The following NEGR1 variants were observed in gnomAD, a reference collection of about 807,000 sequenced individuals.
The protein encoded by NEGR1 is neuronal growth regulator 1.
A neutral mutation model predicts 40.9 loss-of-function variants in NEGR1; 10 were observed. The ratio of observed to expected loss-of-function variants is 0.24; its 90% CI spans 0.15 to 0.42. The LOEUF (loss-of-function observed/expected upper bound fraction) is 0.42. Among genes scored for constraint, NEGR1 ranks in the 10% least tolerant of loss-of-function variants. The pLI is 1.00. For synonymous variants in NEGR1, 185 were observed against 166.8 expected, an observed-to-expected ratio of 1.11 and a Z score of -0.84; for missense variants, 352 against 438.9, an observed-to-expected ratio of 0.80 and a Z score of 1.77.
chr1:72,235,223 G>A (rs543128870), intron 1 of NEGR1, among the ~76,000 whole-genome samples: 5 of 152,214 alleles, frequency 3.3e-5, no homozygotes, highest in South Asian at 2.1e-4. Context: ...ACGTGCAAGC[G>A]TCAGGAAAGC....
intron 1 of NEGR1, among the ~76,000 whole-genome samples, chr1:72,260,394 A>G (rs1655417258): frequency 6.6e-6 from 1 of 152,114 alleles, no homozygotes; most frequent in Non-Finnish European, 1.5e-5. Flanking sequence ...ATATTTGTAA[A>G]CAACATAAAA....
At chr1:72,202,651 T>G (rs1466769207) in intron 1 of NEGR1, among the ~76,000 whole-genome samples, 1 of 152,008 alleles carries the variant, frequency 6.6e-6, no homozygotes, top group Non-Finnish European at 1.5e-5. Flanking sequence ...GAGCAAGGGC[T>G]TATCTCTTCA....
At chr1:71,451,116 G>C (rs1312572251) in intron 6 of NEGR1, among the ~76,000 whole-genome samples, 1 of 152,172 alleles carries the variant, frequency 6.6e-6, no homozygotes, top group Non-Finnish European at 1.5e-5. Context: ...TTTGGAAGAT[G>C]CCCCTCCCCG....
intron 4 of NEGR1, among the ~76,000 whole-genome samples, chr1:71,625,994 A>G (rs971667126): frequency 6.6e-6 from 1 of 151,880 alleles, no homozygotes; most frequent in Non-Finnish European, 1.5e-5. Context: ...TGTGAACCCT[A>G]TTGTGAACTG....
intron 3 of NEGR1, among the ~76,000 whole-genome samples, chr1:71,749,938 T>C (rs1195685535): frequency 6.6e-6 from 1 of 151,716 alleles, no homozygotes; most frequent in Admixed American, 6.6e-5. Flanking sequence ...TAAAAATGCC[T>C]CACAAAGCTA....
At chr1:71,904,875 T>C (rs933708168) in intron 2 of NEGR1, among the ~76,000 whole-genome samples, 3 of 152,170 alleles carry the variant, frequency 2.0e-5, no homozygotes, top group African/African-American at 7.2e-5. Context: ...TGGATTTTAA[T>C]ACATTCAATA....
intron 1 of NEGR1, among the ~76,000 whole-genome samples, chr1:71,963,808 A>G (rs184781063): frequency 2.4e-4 from 37 of 152,242 alleles, no homozygotes; most frequent in African/African-American, 8.4e-4. Context: ...TTTTTTTGAC[A>G]GTGTAGATTT....
chr1:72,115,269 C>T (rs1377447826), intron 1 of NEGR1, among the ~76,000 whole-genome samples: 2 of 151,634 alleles, frequency 1.3e-5, no homozygotes, highest in African/African-American at 4.8e-5. Flanking sequence ...AAACCTATTT[C>T]TCCAGATCTA....
At chr1:72,275,082 C>T in intron 1 of NEGR1, 1 of 955,290 alleles carries the variant, frequency 1.0e-6, no homozygotes, top group Non-Finnish European at 1.7e-6. Context: ...GCACCAGTGA[C>T]CTCCTGATAC....
At chr1:71,731,598 T>A (rs529131943) in intron 3 of NEGR1, among the ~76,000 whole-genome samples, 43 of 152,338 alleles carry the variant, frequency 2.8e-4, no homozygotes, top group Admixed American at 4.6e-4. Context: ...TTTCTTTTTT[T>A]AAAAATACAA....
chr1:71,779,632 A>G (rs1237565628), intron 2 of NEGR1, among the ~76,000 whole-genome samples: 2 of 151,768 alleles, frequency 1.3e-5, no homozygotes, highest in Non-Finnish European at 2.9e-5. Context: ...CAATGGCTCA[A>G]TCTCCGCTCA....
chr1:71,604,125 T>C (rs1265416754), intron 5 of NEGR1, among the ~76,000 whole-genome samples: 1 of 152,136 alleles, frequency 6.6e-6, no homozygotes, highest in African/African-American at 2.4e-5. Flanking sequence ...TTTGAAGCAG[T>C]AGAGTAGTAA....
At chr1:72,136,946 G>A (rs1010176286) in intron 1 of NEGR1, among the ~76,000 whole-genome samples, 2 of 152,096 alleles carry the variant, frequency 1.3e-5, no homozygotes, top group Non-Finnish European at 2.9e-5. Flanking sequence ...GATATTAACA[G>A]ACACTTCTCA....
chr1:71,671,205 C>T (rs533496767), intron 4 of NEGR1, among the ~76,000 whole-genome samples: 94 of 152,164 alleles, frequency 6.2e-4, no homozygotes, highest in African/African-American at 2.1e-3. Context: ...CTTGATTTGT[C>T]GTGGTTCCAG....
At chr1:71,674,975 T>A (rs1363326515) in intron 4 of NEGR1, among the ~76,000 whole-genome samples, 1 of 151,442 alleles carries the variant, frequency 6.6e-6, no homozygotes, top group African/African-American at 2.4e-5. Flanking sequence ...CTAACACTTG[T>A]AACATTCCAA....
chr1:72,174,757 T>TAA (rs61381342), intron 1 of NEGR1, among the ~76,000 whole-genome samples: 1 of 151,766 alleles, frequency 6.6e-6, no homozygotes, highest in African/African-American at 2.4e-5. Flanking sequence ...CTTATAAAAT[T>TAA]AAAAAAAATT....
rs588234 is a variant in NEGR1 at position 71,908,679 on chromosome 1, C to T, written c.409+26400G>A. Among the ~76,000 whole-genome samples, 461 of 152,254 alleles carry T rather than the reference C, an allele frequency of 3.0e-3. 2 individuals carry two copies. The highest frequency in any genetic ancestry group is 0.011 in the African/African-American group (442 of 41,548). ...TCATTAACTTCTGGTGGATCTTGTCCTTACCTGTAAACTTAGACCATTGAT... is the reference window on the plus strand; with the variant it reads ...TCATTAACTTCTGGTGGATCTTGTCTTTACCTGTAAACTTAGACCATTGAT... On this transcript the variant is annotated intron_variant, in intron 2 of 6. Coordinates refer to ENST00000357731, the MANE Select transcript of NEGR1 (RefSeq NM_173808.3).
At chr1:72,008,765 A>C (rs763815985) in intron 1 of NEGR1, among the ~76,000 whole-genome samples, 2 of 152,148 alleles carry the variant, frequency 1.3e-5, no homozygotes, top group Non-Finnish European at 2.9e-5. Flanking sequence ...TGATAATAAA[A>C]AAAGATAAGT....
chr1:71,855,906 T>C (rs1304524494), intron 2 of NEGR1, among the ~76,000 whole-genome samples: 1 of 152,034 alleles, frequency 6.6e-6, no homozygotes, highest in Non-Finnish European at 1.5e-5. Flanking sequence ...TGGACCGTGA[T>C]TCTAGTAAGC....
Sources: gnomAD v4.1 joint callset for allele counts (sites outside exome capture counted in the v4.1 genomes callset) on GRCh38, gnomAD v4.1.1 for gene constraint, MANE v1.5 for transcripts, NCBI Gene and HGNC (gene_info 2026-07-23, HGNC 2026-07-21) for gene names.